Variants in NFIB observed in about 807,000 individuals in gnomAD.
The protein encoded by NFIB is nuclear factor I B.
NFIB carries 11 observed loss-of-function variants against 61.5 expected under a neutral mutation model. That is an observed-to-expected ratio of 0.18 (90% CI 0.11 to 0.30). The LOEUF is 0.30. NFIB is among the 10% of genes least tolerant of loss of function. The pLI is 1.00. For synonymous variants in NFIB, 260 were observed against 216.5 expected (o/e 1.20, Z -1.76); for missense variants, 471 against 608.9 (o/e 0.77, Z 2.38).
At chr9:14,519,005 G>T in the NFIB span, among the ~76,000 whole-genome samples, 1 of 152,182 alleles carries the variant, frequency 6.6e-6, no homozygotes, top group East Asian at 1.9e-4. Flanking sequence ...CACTGTGGGT[G>T]AAATCATCTT....
At chr9:14,282,707 A>G (rs149979518) in intron 2 of NFIB, among the ~76,000 whole-genome samples, 1 of 152,334 alleles carries the variant, frequency 6.6e-6, no homozygotes, top group Non-Finnish European at 1.5e-5. Context: ...CAGATCAGGA[A>G]ACAGGTTCCT....
At chr9:14,210,966 T>C (rs960817817) in intron 2 of NFIB, among the ~76,000 whole-genome samples, 50 of 152,178 alleles carry the variant, frequency 3.3e-4, no homozygotes, top group African/African-American at 1.2e-3. Flanking sequence ...ATTAATAGGT[T>C]GAAACCGTAC....
chr9:14,527,959 T>C, the NFIB span, among the ~76,000 whole-genome samples: 2 of 152,314 alleles, frequency 1.3e-5, no homozygotes, highest in East Asian at 1.9e-4. Context: ...TTTTCTAATA[T>C]ATATATTTAG....
intron 1 of NFIB, among the ~76,000 whole-genome samples, chr9:14,376,207 T>G (rs763224318): frequency 6.6e-6 from 1 of 152,200 alleles, no homozygotes; most frequent in Non-Finnish European, 1.5e-5. Flanking sequence ...ACTACAGGGA[T>G]GCCACCATGT....
At chr9:14,303,089 TTCTC>T (rs913527325) in intron 2 of NFIB, among the ~76,000 whole-genome samples, 2 of 152,176 alleles carry the variant, frequency 1.3e-5, no homozygotes, top group Non-Finnish European at 1.5e-5. Flanking sequence ...CTTTAAAGTT[TTCTC>T]TCTCTCTTTT....
chr9:14,284,070 T>A (rs997905465), intron 2 of NFIB, among the ~76,000 whole-genome samples: 1 of 152,128 alleles, frequency 6.6e-6, no homozygotes, highest in Non-Finnish European at 1.5e-5. Flanking sequence ...GAAGGGGCAG[T>A]CATGGGTTGA....
intron 2 of NFIB, among the ~76,000 whole-genome samples, chr9:14,262,253 G>A (rs1563955177): frequency 6.6e-6 from 1 of 152,166 alleles, no homozygotes; most frequent in Admixed American, 6.5e-5. Context: ...TTTCCTTGTA[G>A]ATTAAGAACA....
chr9:14,182,675 A>G (rs1378508818), intron 2 of NFIB, among the ~76,000 whole-genome samples: 3 of 78,214 alleles, frequency 3.8e-5, no homozygotes, highest in Admixed American at 3.0e-4. Flanking sequence ...TTTGCTCAAC[A>G]CCCCCCACCT....
At chr9:14,257,179 A>C (rs2056299510) in intron 2 of NFIB, among the ~76,000 whole-genome samples, 1 of 152,298 alleles carries the variant, frequency 6.6e-6, no homozygotes, top group African/African-American at 2.4e-5. Context: ...CAGGTTCCTC[A>C]CCTATAAAAT....
At chr9:14,357,330 T>A (rs770937282) in intron 1 of NFIB, 1 of 152,138 alleles carries the variant, frequency 6.6e-6, no homozygotes, top group African/African-American at 2.4e-5. Flanking sequence ...CTGTATACTT[T>A]ATATGTGGAG....
intron 1 of NFIB, among the ~76,000 whole-genome samples, chr9:14,345,296 G>C (rs1230479694): frequency 6.6e-6 from 1 of 152,120 alleles, no homozygotes; most frequent in Non-Finnish European, 1.5e-5. Flanking sequence ...GTGCAAAGGA[G>C]GTAGCTTCTG....
Position 14,306,855 on chromosome 9 carries a change from C to G in NFIB, c.562+134G>C, listed in dbSNP as rs2060044981. The G allele has an allele frequency of 3.8e-6, 4 of 1,055,556 alleles. No homozygotes were observed. The South Asian group carries it at 6.4e-5, about 17-fold the overall frequency. The allele number at this position is 1,055,556 out of a possible 1,614,324, so 65.4% of individuals were successfully genotyped here. A position where few individuals can be genotyped will look rare whatever the true frequency, so the allele number is the denominator to read the frequency against. ...CAGCGGACATGTGAGTGAAAGCGGA[C>G]ACCCTACTATACCCAGAGAGGGTGG... On this transcript the variant is annotated intron_variant, in intron 2 of 10. Transcript: ENST00000380953.
intron 2 of NFIB, among the ~76,000 whole-genome samples, chr9:14,185,134 G>C (rs2047205979): frequency 1.3e-5 from 2 of 152,064 alleles, no homozygotes; most frequent in African/African-American, 4.8e-5. Context: ...TGCCTGAAGA[G>C]ACAGAAATAT....
At chr9:14,225,952 G>A (rs962384049) in intron 2 of NFIB, among the ~76,000 whole-genome samples, 19 of 152,072 alleles carry the variant, frequency 1.2e-4, no homozygotes, top group African/African-American at 4.6e-4. Flanking sequence ...ATTGAAATAT[G>A]ATTTAGAACA....
chr9:14,289,338 T>C (rs539487830), intron 2 of NFIB, among the ~76,000 whole-genome samples: 2 of 151,456 alleles, frequency 1.3e-5, no homozygotes, highest in African/African-American at 2.4e-5. Flanking sequence ...TATTGCCTTA[T>C]AGAGAACAAG....
In NFIB at chr9:14,087,192, A is replaced by C. The variant is rs1159974065; in HGVS notation, c.*1117T>G. ...TGCAACCAGTAATTTTAAATAAATA[A>C]ATTCTACCTCCAAGGAGGCTGCAGC... On this transcript the variant is annotated 3_prime_UTR_variant, in exon 11 of 11. Coordinates refer to ENST00000380953, the MANE Select transcript of NFIB (RefSeq NM_001190737.2). 1.5e-5 allele frequency: 3 copies of C among 201,184 alleles called. No homozygotes were observed. Among genetic ancestry groups the C allele is most frequent in the African/African-American group, 6.9e-5 (3 of 43,522 alleles). The allele number at this position is 201,184 out of a possible 1,614,324, so 12.5% of individuals were successfully genotyped here. A position where few individuals can be genotyped will look rare whatever the true frequency, so the allele number is the denominator to read the frequency against.
intron 2 of NFIB, among the ~76,000 whole-genome samples, chr9:14,258,143 G>GTACT (rs1274347183): frequency 6.6e-6 from 1 of 152,172 alleles, no homozygotes. Flanking sequence ...AGAAGCAAAG[G>GTACT]TACTGCTTAT....
the NFIB span, among the ~76,000 whole-genome samples, chr9:14,473,789 T>A: frequency 6.6e-6 from 1 of 152,178 alleles, no homozygotes; most frequent in Admixed American, 6.5e-5. Flanking sequence ...CCCGCATGAT[T>A]TTTTTATGTC....
the NFIB span, among the ~76,000 whole-genome samples, chr9:14,526,856 G>A: frequency 6.6e-6 from 1 of 152,084 alleles, no homozygotes; most frequent in African/African-American, 2.4e-5. Flanking sequence ...TTGAGAACAC[G>A]ACCCTTTGCT....
Sources: gnomAD v4.1 joint callset for allele counts (sites outside exome capture counted in the v4.1 genomes callset) on GRCh38, gnomAD v4.1.1 for gene constraint, MANE v1.5 for transcripts, NCBI Gene and HGNC (gene_info 2026-07-23, HGNC 2026-07-21) for gene names.